Variants in NRDC observed in about 807,000 individuals in gnomAD.
The protein encoded by NRDC is nardilysin.
NRDC carries 54 observed loss-of-function variants against 147.1 expected under a neutral mutation model. The observed-to-expected ratio is 0.37, with a 90% CI of 0.29 to 0.46. NRDC has a LOEUF of 0.46. Among genes scored for constraint, NRDC ranks in the 20% least tolerant of loss-of-function variants. The pLI, the probability that NRDC is intolerant of heterozygous loss-of-function variation, is 1.00. For missense variants in NRDC, 1,082 were observed against 1,370.6 expected (o/e 0.79, Z 3.33); for synonymous variants, 440 against 482.1 (o/e 0.91, Z 1.14).
chr1:51,806,892 G>A lies in NRDC; in HGVS notation c.2012C>T (p.Ala671Val). The A allele has an allele frequency of 6.2e-7, 1 of 1,613,756 alleles. No individual in the cohort carries two copies. The highest frequency in any genetic ancestry group is 8.5e-7 in the Non-Finnish European group (1 of 1,179,784). ...KYIATDFTLK[A>V]FDCPETEYPV... The stretch of plus-strand genomic sequence containing the variant: ...GTATTCTGTTTCCGGGCAATCGAAA[G>A]CCTTCAACGTAAAGTCCGTGGCTAA... Residue 671 changes from alanine (A) to valine (V), a missense_variant, in exon 18 of 31, where the codon GCT (alanine) becomes GTT (valine). Physicochemically the swap from Ala to Val is moderately conservative, Grantham distance 64. Transcript: ENST00000352171.
chr1:51,872,921 C>T (rs1487945207), intron 1 of NRDC, among the ~76,000 whole-genome samples: 1 of 150,278 alleles, frequency 6.7e-6, no homozygotes, highest in Non-Finnish European at 1.5e-5. Context: ...TTTGGATTCA[C>T]TTGTTCATTT....
intron 8 of NRDC, 47 bp from the exon 9 acceptor site, chr1:51,819,920 A>G (rs528790237): frequency 7.3e-7 from 1 of 1,373,302 alleles, no homozygotes; most frequent in African/African-American, 1.4e-5. Flanking sequence ...AAAAGCCTTT[A>G]TAAGCAATAT....
intron 1 of NRDC, among the ~76,000 whole-genome samples, chr1:51,873,366 T>C (rs1451753448): frequency 6.6e-6 from 1 of 152,154 alleles, no homozygotes; most frequent in East Asian, 1.9e-4. Flanking sequence ...CTCACTGGAA[T>C]TGTGATCCTC....
chr1:51,842,410 C>T (rs1681315783), intron 1 of NRDC, among the ~76,000 whole-genome samples: 1 of 151,934 alleles, frequency 6.6e-6, no homozygotes, highest in Non-Finnish European at 1.5e-5. Context: ...CCAGGAAACC[C>T]TAGAAAAAGT....
rs1557912896 is a variant in NRDC at position 51,823,654 on chromosome 1, T to C, written c.1159+10A>G. On this transcript the variant is annotated intron_variant, in intron 7 of 30. Coordinates refer to ENST00000352171, the MANE Select transcript of NRDC (RefSeq NM_001101662.2). The stretch of plus-strand genomic sequence containing the variant: ...TCAAGGTAACTCTAAGAGCCATAAT[T>C]AATAGTTACCTTTGGATTGAACCAC... The C allele has an allele frequency of 6.2e-7, 1 of 1,603,188 alleles. No homozygotes were observed. The highest frequency in any genetic ancestry group is 1.7e-5 in the Admixed American group (1 of 58,632).
intron 5 of NRDC, 134 bp from the exon 6 acceptor site, chr1:51,825,516 G>A: frequency 1.4e-6 from 1 of 693,058 alleles, no homozygotes; most frequent in Middle Eastern, 4.0e-4. Flanking sequence ...TAAGACTGAA[G>A]TGGGAAACTC....
At chr1:51,836,406 T>G (rs1413237520) in intron 2 of NRDC, 194 bp from the exon 3 acceptor site, 8 of 1,613,852 alleles carry the variant, frequency 5.0e-6, no homozygotes, top group Non-Finnish European at 6.8e-6. Flanking sequence ...CTCCTCCGCT[T>G]GCCATCCTGC....
intron 1 of NRDC, among the ~76,000 whole-genome samples, chr1:51,872,825 T>C (rs1180795110): frequency 1.3e-5 from 2 of 152,214 alleles, no homozygotes; most frequent in African/African-American, 4.8e-5. Context: ...AAGCACTTAC[T>C]TTGTTAAATG....
At chr1:51,853,398 T>TG (rs112200402) in intron 1 of NRDC, among the ~76,000 whole-genome samples, 1,955 of 152,280 alleles carry the variant, frequency 0.013, 44 homozygotes, top group African/African-American at 0.045. Flanking sequence ...GTCTGCTCTC[T>TG]AAACATGTCA....
intron 21 of NRDC, chr1:51,799,215 C>CT (rs1235234130): frequency 2.6e-5 from 4 of 152,016 alleles, no homozygotes; most frequent in Non-Finnish European, 5.9e-5. Context: ...TATTATTATA[C>CT]TTTAAATTCT....
chr1:51,830,689 A>T (rs2149215617), intron 4 of NRDC, among the ~76,000 whole-genome samples: 1 of 152,320 alleles, frequency 6.6e-6, no homozygotes, highest in East Asian at 1.9e-4. Flanking sequence ...AGAAGTGGAC[A>T]TCCTAAGCTT....
intron 1 of NRDC, among the ~76,000 whole-genome samples, chr1:51,845,720 T>C (rs1259696632): frequency 6.6e-6 from 1 of 152,252 alleles, no homozygotes; most frequent in Non-Finnish European, 1.5e-5. Flanking sequence ...CTTCGCACCA[T>C]TTATCATTAC....
At chr1:51,854,466 C>T (rs1557933107) in intron 1 of NRDC, among the ~76,000 whole-genome samples, 1 of 152,198 alleles carries the variant, frequency 6.6e-6, no homozygotes, top group African/African-American at 2.4e-5. Context: ...CACCCCAGTA[C>T]CCCACAAGAT....
At chr1:51,811,934 C>T (rs1289905166) in intron 15 of NRDC, 60 bp downstream of exon 15, 31 of 1,087,352 alleles carry the variant, frequency 2.9e-5, no homozygotes, top group Middle Eastern at 2.0e-4. Context: ...AATACATCTT[C>T]GTACTTTCTC....
Position 51,836,112 on chromosome 1 carries a change from A to G in NRDC, c.712+19T>C. On this transcript the variant is annotated intron_variant, in intron 3 of 30. Coordinates refer to ENST00000352171, the MANE Select transcript of NRDC (RefSeq NM_001101662.2). ...GGGGGAAAAAAACACACCAGGAATG[A>G]TATTTTACAAATTCTTACTGTGCTC... 1 of 1,605,354 alleles carries G rather than the reference A, an allele frequency of 6.2e-7. No individual in the cohort carries two copies. Among genetic ancestry groups the G allele is most frequent in the South Asian group, 1.1e-5 (1 of 90,788 alleles).
intron 29 of NRDC, chr1:51,789,902 T>C: frequency 2.0e-6 from 1 of 498,772 alleles, no homozygotes; most frequent in East Asian, 3.6e-5. Flanking sequence ...TACAGCTAAA[T>C]ACCATACACT....
intron 5 of NRDC, among the ~76,000 whole-genome samples, 191 bp downstream of exon 5, chr1:51,827,605 C>G (rs1264611012): frequency 6.6e-6 from 1 of 151,364 alleles, no homozygotes; most frequent in African/African-American, 2.4e-5. Flanking sequence ...AATCCACCAT[C>G]CTTTTCATTT....
chr1:51,846,549 A>C (rs1571898573), intron 1 of NRDC, among the ~76,000 whole-genome samples: 1 of 152,028 alleles, frequency 6.6e-6, no homozygotes, highest in African/African-American at 2.4e-5. Flanking sequence ...GCTTGTTTGG[A>C]GTTTGTTCTT....
Position 51,823,762 on chromosome 1 carries a change from T to G in NRDC, c.1061A>C (p.Glu354Ala). The G allele has an allele frequency of 6.2e-7, 1 of 1,606,326 alleles. No homozygotes were observed. Among genetic ancestry groups the G allele is most frequent in the Non-Finnish European group, 8.5e-7 (1 of 1,174,376 alleles). Residue 354 changes from glutamate to alanine, a missense_variant, in exon 7 of 31, where the codon GAG becomes GCG. By Grantham distance (107) the Glu-to-Ala change is moderately radical (BLOSUM62 -1). Transcript: ENST00000352171. ...TGTATCAATATTATTCTTTCTTGGCTCATGCTTGAGCGTCTCAGCATTTCC... is the reference window on the plus strand; with the variant it reads ...TGTATCAATATTATTCTTTCTTGGCGCATGCTTGAGCGTCTCAGCATTTCC... ...FWGNAETLKH[E>A]PRKNNIDTHA...
Sources: allele counts gnomAD v4.1 joint callset (sites outside exome capture counted in the v4.1 genomes callset), GRCh38; gene constraint gnomAD v4.1.1; transcripts MANE v1.5; gene names NCBI Gene and HGNC (gene_info 2026-07-23, HGNC 2026-07-21).